Variants in CPNE5 observed in about 807,000 individuals in gnomAD.
CPNE5 encodes the protein copine 5.
Under a neutral mutation model 81.1 loss-of-function variants are expected in CPNE5, and 42 were observed. That is an observed-to-expected ratio of 0.52 (90% confidence interval 0.40 to 0.67). The LOEUF (loss-of-function observed/expected upper bound fraction) is 0.67. Among genes scored for constraint, CPNE5 ranks in the 30% least tolerant of loss-of-function variants. The probability of loss-of-function intolerance (pLI) is 0.00; values close to 1 mark genes in which losing one functional copy is unlikely to be tolerated. For synonymous variants in CPNE5, 313 were observed against 321.5 expected (o/e 0.97, Z 0.28); for missense variants, 612 against 815.5 (o/e 0.75, Z 3.04).
In CPNE5 at chr6:36,766,470, T is replaced by C. The variant is rs1766573815; in HGVS notation, c.738-1094A>G. 6.6e-6 allele frequency among the ~76,000 whole-genome samples: 1 copy of C among 152,190 alleles called. No homozygotes were observed. The highest frequency in any genetic ancestry group is 1.5e-5 in the Non-Finnish European group (1 of 68,022). The stretch of plus-strand genomic sequence containing the variant: ...CTGGATTTCTGTAAACCAGCACTCC[T>C]GTACAATGAGGCAGGCATGGAAGCC... On this transcript the variant is annotated intron_variant, in intron 10 of 20. Transcript: ENST00000244751. This position sits in a 1 kb window ranked among gnomAD's most constrained non-coding sequence, Gnocchi z 4.2.
intron 6 of CPNE5, among the ~76,000 whole-genome samples, chr6:36,796,274 G>A (rs943521520): frequency 2.0e-5 from 3 of 152,336 alleles, no homozygotes; most frequent in South Asian, 2.1e-4. Flanking sequence ...GAACTTGCTT[G>A]TCCTTTAAGG....
intron 8 of CPNE5, among the ~76,000 whole-genome samples, chr6:36,786,673 T>C (rs895614028): frequency 1.3e-5 from 2 of 152,190 alleles, no homozygotes; most frequent in African/African-American, 4.8e-5. Context: ...TTATAGCCCA[T>C]CCATACAATA....
intron 20 of CPNE5, 129 bp from the exon 21 acceptor site, chr6:36,742,615 T>C (rs1336018168): frequency 2.8e-6 from 4 of 1,419,050 alleles, no homozygotes; most frequent in Non-Finnish European, 3.7e-6. Context: ...CCCCCACCTT[T>C]CTGAATTACC....
intron 3 of CPNE5, among the ~76,000 whole-genome samples, chr6:36,802,433 G>C (rs896599367): frequency 2.6e-5 from 4 of 151,944 alleles, no homozygotes; most frequent in Admixed American, 2.6e-4. Flanking sequence ...TCCAGCTTGG[G>C]CAATAGAGAG....
At chr6:36,804,409 C>G (rs1770399789) in intron 3 of CPNE5, among the ~76,000 whole-genome samples, 1 of 152,214 alleles carries the variant, frequency 6.6e-6, no homozygotes, top group African/African-American at 2.4e-5. Context: ...ATTCTCCTCT[C>G]CTGCTCTTAT....
chr6:36,765,271 G>A (rs1766456623), intron 11 of CPNE5, 64 bp downstream of exon 11: 4 of 1,567,100 alleles, frequency 2.6e-6, no homozygotes, highest in Admixed American at 1.7e-5. Context: ...GCATGGGAGG[G>A]CAGGGCCCAG....
At chr6:36,779,703 C>T (rs533577152) in intron 8 of CPNE5, among the ~76,000 whole-genome samples, 1 of 152,356 alleles carries the variant, frequency 6.6e-6, no homozygotes, top group Admixed American at 6.5e-5. Flanking sequence ...CTCCCTGCCC[C>T]AGCTGACCCA....
intron 20 of CPNE5, 66 bp downstream of exon 20, chr6:36,743,623 T>G: frequency 6.8e-7 from 1 of 1,480,528 alleles, no homozygotes. Flanking sequence ...CCAAAGGGGG[T>G]GTGAGGTCCG....
intron 1 of CPNE5, among the ~76,000 whole-genome samples, chr6:36,825,214 G>T (rs1014608963): frequency 6.6e-6 from 1 of 152,144 alleles, no homozygotes; most frequent in African/African-American, 2.4e-5. Flanking sequence ...TAAGGTGGGA[G>T]CCAAAAATCA....
intron 12 of CPNE5, among the ~76,000 whole-genome samples, chr6:36,762,284 ACGCG>A (rs1225121687): frequency 1.4e-4 from 21 of 145,906 alleles, no homozygotes; most frequent in African/African-American, 5.5e-4. Context: ...ACACACACGC[ACGCG>A]CACACACACA....
chr6:36,782,571 G>A (rs114737565), intron 8 of CPNE5, among the ~76,000 whole-genome samples: 1,716 of 152,148 alleles, frequency 0.011, 19 homozygotes, highest in South Asian at 0.034. Flanking sequence ...CTGGGGGGCC[G>A]AGGTGGTGGA....
rs1034672677 is a variant in CPNE5 at position 36,746,375 on chromosome 6, C to T, written c.1200+21G>A. ...ACCCCCAGCCTGATCAGTCCTCTCT[C>T]CCACCAGCGGGACCACCTACCAGTG... On this transcript the variant is annotated intron_variant, in intron 16 of 20. Coordinates refer to ENST00000244751, the MANE Select transcript of CPNE5 (RefSeq NM_020939.2). This position sits in a 1 kb window ranked among gnomAD's most constrained non-coding sequence, Gnocchi z 4.5. The T allele has an allele frequency of 6.3e-7, 1 of 1,592,866 alleles. No individual in the cohort carries two copies. The highest frequency in any genetic ancestry group is 8.6e-7 in the Non-Finnish European group (1 of 1,168,374).
In CPNE5 at chr6:36,762,991, G is replaced by C. The variant is rs1259775017; in HGVS notation, c.781C>G (p.His261Asp). 6.2e-7 allele frequency: 1 copy of C among 1,613,980 alleles called. No individual in the cohort carries two copies. Among genetic ancestry groups the C allele is most frequent in the Non-Finnish European group, 8.5e-7 (1 of 1,179,954 alleles). The stretch of plus-strand genomic sequence containing the variant: ...GTGGTGAACTCCCCAATGAAGTCAT[G>C]GCTGCAAGGGAAGACGGCTGCTGAG... ...EVYDWDRDGS[H>D]DFIGEFTTSY... The change falls in exon 12 of 21, where the codon CAT becomes GAT. Residue 261 changes from histidine to aspartate, a missense_variant and splice_region_variant. Physicochemically the swap from His to Asp is moderately conservative, Grantham distance 81. Coordinates refer to ENST00000244751, the MANE Select transcript of CPNE5 (RefSeq NM_020939.2).
At chr6:36,784,025 C>A (rs1012091094) in intron 8 of CPNE5, among the ~76,000 whole-genome samples, 36 of 152,282 alleles carry the variant, frequency 2.4e-4, no homozygotes, top group African/African-American at 8.4e-4. Context: ...AGTGTGAAAT[C>A]CATTTTAGAA....
Position 36,745,422 on chromosome 6 carries a change from T to C in CPNE5, c.1294A>G (p.Thr432Ala). The change falls in exon 17 of 21, where the codon ACC (threonine) becomes GCC (alanine). Residue 432 changes from threonine to alanine, a missense_variant. Transcript: ENST00000244751. ...TGGGTGACCACGGGGGCAAAGTTGG[T>C]GGGGCCGTACAGCTGCACAGTGCGC... ...SLRTVQLYGP[T>A]NFAPVVTHVA... 6.2e-7 allele frequency: 1 copy of C among 1,607,236 alleles called. No individual in the cohort carries two copies. Among genetic ancestry groups the C allele is most frequent in the Non-Finnish European group, 8.5e-7 (1 of 1,177,512 alleles).
At chr6:36,792,615 A>G (rs1769202363) in intron 7 of CPNE5, among the ~76,000 whole-genome samples, 1 of 151,748 alleles carries the variant, frequency 6.6e-6, no homozygotes, top group Non-Finnish European at 1.5e-5. Flanking sequence ...TCCCATGGCT[A>G]CCTCCCCTTA....
chr6:36,756,106 C>CCCCCCCCACA, intron 13 of CPNE5, 139 bp downstream of exon 13: 1 of 484,946 alleles, frequency 2.1e-6, no homozygotes. Flanking sequence ...CCACCCCTCC[C>CCCCCCCCACA]CACCCCATCT....
chr6:36,839,266 G>A lies in CPNE5; in HGVS notation c.95+17C>T, dbSNP rs1773825434. On this transcript the variant is annotated intron_variant, in intron 1 of 20. Transcript: ENST00000244751. The surrounding 1 kb of genome is among the most constrained non-coding windows in gnomAD (Gnocchi z 7.3). ...TCCAGGGCCGGGGCAAGGGGACCCG[G>A]CCAGCGGGAGGCTCACCTGCAGGAC... 7 of 1,515,816 alleles carry A rather than the reference G, an allele frequency of 4.6e-6. No homozygotes were observed. The highest frequency in any genetic ancestry group is 6.2e-6 in the Non-Finnish European group (7 of 1,123,808). 93.9% of individuals were successfully genotyped at this position (1,515,816 alleles called of 1,614,324 possible). A position where few individuals can be genotyped will look rare whatever the true frequency, so the allele number is the denominator to read the frequency against.
At chr6:36,743,387 A>G (rs1438848422) in intron 20 of CPNE5, 4 of 394,918 alleles carry the variant, frequency 1.0e-5, no homozygotes, top group Non-Finnish European at 1.4e-5. Context: ...GAAAAAAACC[A>G]GAACGAGGCT....
Sources: gnomAD v4.1 joint callset for allele counts (sites outside exome capture counted in the v4.1 genomes callset) on GRCh38, gnomAD v4.1.1 for gene constraint, Gnocchi (gnomAD v3.1) non-coding constraint, MANE v1.5 for transcripts, NCBI Gene and HGNC (gene_info 2026-07-23, HGNC 2026-07-21) for gene names.